Variants in ACP6 observed in about 807,000 individuals in gnomAD.
ACP6 encodes lysophosphatidic acid phosphatase type 6.
ACP6 carries 48 observed loss-of-function variants against 48.1 expected under a neutral mutation model. That is an observed-to-expected ratio of 1.00 (90% confidence interval 0.79 to 1.27). The LOEUF is 1.27. Among genes scored for constraint, ACP6 ranks in the 50% most tolerant of loss-of-function variants. ACP6 has a pLI of 0.00. For missense variants in ACP6, 485 were observed against 529.1 expected (o/e 0.92, Z 0.82); for synonymous variants, 172 against 204.2 (o/e 0.84, Z 1.34).
At chr1:147,665,214 AC>A (rs1203032724) in intron 1 of ACP6, among the ~76,000 whole-genome samples, 1 of 152,248 alleles carries the variant, frequency 6.6e-6, no homozygotes, top group African/African-American at 2.4e-5. Context: ...TAAATCTGAA[AC>A]CTGGCAGCAT....
At chr1:147,655,937 G>GCC (rs1553211545) in intron 4 of ACP6, among the ~76,000 whole-genome samples, 2 of 152,092 alleles carry the variant, frequency 1.3e-5, no homozygotes, top group East Asian at 3.9e-4. Flanking sequence ...CTGTGTCAGA[G>GCC]ATGGCAAGTG....
intron 5 of ACP6, among the ~76,000 whole-genome samples, chr1:147,635,456 G>A (rs1163223411): frequency 6.6e-6 from 1 of 152,188 alleles, no homozygotes; most frequent in Non-Finnish European, 1.5e-5. Context: ...CAGACGCTGA[G>A]CCTATCTTTT....
At position 147,646,195 on chromosome 1, in the gene ACP6, G is replaced by A. The variant is rs1187470235; in HGVS notation, c.*1228C>T. 1.3e-5 allele frequency: 2 copies of A among 152,230 alleles called. No individual in the cohort carries two copies. The highest frequency in any genetic ancestry group is 6.5e-5 in the Admixed American group (1 of 15,274). The allele number at this position is 152,230 out of a possible 1,614,324, so 9.4% of individuals were successfully genotyped here. On this transcript the variant is annotated 3_prime_UTR_variant, in exon 10 of 10. Coordinates refer to ENST00000583509, the MANE Select transcript of ACP6 (RefSeq NM_016361.5). ...CAGGTAGTATTGATAAAACTTAACT[G>A]ATTAGACATAGGAAAATGTGAGACA...
intron 1 of ACP6, among the ~76,000 whole-genome samples, chr1:147,660,947 T>C (rs1660517625): frequency 6.6e-6 from 1 of 152,218 alleles, no homozygotes; most frequent in South Asian, 2.1e-4. Flanking sequence ...CATCATTTTA[T>C]TGCTCTTTAC....
In ACP6 at chr1:147,648,404, A is replaced by G. The variant is rs1553209943; in HGVS notation, c.985T>C (p.Tyr329His). Reference sequence around the variant, plus strand: ...GTCACATCATGAGCCGCATAGAGATACAGCTTTCTGCAAGAGGAAACAGCT... The same window carrying G: ...GTCACATCATGAGCCGCATAGAGATGCAGCTTTCTGCAAGAGGAAACAGCT... ...ATAPDKIRKLYLYAAHDVTFI... is the reference protein window; with the variant it reads ...ATAPDKIRKLHLYAAHDVTFI... The change falls in exon 9 of 10, where the codon TAT becomes CAT. Residue 329 changes from tyrosine (Y) to histidine (H), a missense_variant. Coordinates refer to ENST00000583509, the MANE Select transcript of ACP6 (RefSeq NM_016361.5). 1 of 1,614,028 alleles carries G rather than the reference A, an allele frequency of 6.2e-7. No individual in the cohort carries two copies. The highest frequency in any genetic ancestry group is 1.3e-5 in the African/African-American group (1 of 74,916).
At chr1:147,663,717 TC>T (rs1570979671) in intron 1 of ACP6, among the ~76,000 whole-genome samples, 1 of 152,084 alleles carries the variant, frequency 6.6e-6, no homozygotes, top group Non-Finnish European at 1.5e-5. Flanking sequence ...GCCTCTTTCC[TC>T]CCCTCCAACC....
At position 147,669,995 on chromosome 1, in the gene ACP6, G is replaced by A; in HGVS notation, c.54C>T (p.Thr18=). Residue 18 remains threonine (T), a synonymous_variant, in exon 1 of 10, where the codon ACC becomes ACT. Coordinates refer to ENST00000583509, the MANE Select transcript of ACP6 (RefSeq NM_016361.5). The stretch of plus-strand genomic sequence containing the variant: ...GCTGGTGCAGGCAGTACGCCAGCGA[G>A]GTCAGGACGCCCACTGGGGTCCACA... ...MRLWTPVGVL[T]SLAYCLHQRR... is the part of the protein sequence containing the mutation. The A allele has an allele frequency of 1.9e-6, 3 of 1,547,730 alleles. No individual in the cohort carries two copies. The highest frequency in any genetic ancestry group is 1.8e-4 in the Middle Eastern group (1 of 5,458).
intron 5 of ACP6, among the ~76,000 whole-genome samples, chr1:147,634,591 T>C (rs1418659911): frequency 6.6e-6 from 1 of 152,228 alleles, no homozygotes; most frequent in African/African-American, 2.4e-5. Context: ...GAGCTAATCT[T>C]TAGAGTGACA....
At chr1:147,658,395 C>T (rs1660362341) in intron 4 of ACP6, among the ~76,000 whole-genome samples, 1 of 152,088 alleles carries the variant, frequency 6.6e-6, no homozygotes, top group South Asian at 2.1e-4. Context: ...ATGTGATGGC[C>T]AAAGGCTCTC....
intron 7 of ACP6, 155 bp downstream of exon 7, chr1:147,652,294 T>G (rs922745246): frequency 1.4e-6 from 1 of 692,350 alleles, no homozygotes; most frequent in African/African-American, 1.8e-5. Context: ...TGCGAGGACC[T>G]AGGGCCTACT....
chr1:147,631,626 C>A lies in ACP6; in HGVS notation c.461-561G>T, dbSNP rs148515312. On this transcript the variant is annotated intron_variant, in intron 5 of 5. Transcript: ENST00000609196. ...GTCAAGAGATCGAGACCATCCTGGC[C>A]AACATGGTGAAACCCCGTCTCTACT... Among the ~76,000 whole-genome samples, 978 of 152,108 alleles carry A rather than the reference C, an allele frequency of 6.4e-3. 11 individuals carry two copies. Among genetic ancestry groups the A allele is most frequent in the African/African-American group, 0.022 (918 of 41,474 alleles).
intron 5 of ACP6, among the ~76,000 whole-genome samples, chr1:147,632,848 G>A (rs1553207546): frequency 2.0e-5 from 3 of 152,106 alleles, no homozygotes; most frequent in African/African-American, 7.2e-5. Context: ...TGAGGCTCCT[G>A]GCGATTCAGT....
intron 6 of ACP6, chr1:147,652,772 G>T (rs1328594380): frequency 2.8e-6 from 2 of 710,444 alleles, no homozygotes; most frequent in Non-Finnish European, 2.2e-6. Context: ...AAAAGAAAGG[G>T]TTTCTTCCCT....
At chr1:147,654,580 T>C (rs1301514169) in intron 5 of ACP6, among the ~76,000 whole-genome samples, 2 of 152,210 alleles carry the variant, frequency 1.3e-5, no homozygotes, top group African/African-American at 4.8e-5. Context: ...AGCATTTGCA[T>C]TGCATCAAAA....
At chr1:147,630,774 C>G (rs146122449) in exon 6 of ACP6, 1 of 152,300 alleles carries the variant, frequency 6.6e-6, no homozygotes, top group East Asian at 1.9e-4. Flanking sequence ...TGGTGGATTA[C>G]TGTGATTTAT....
At chr1:147,647,762 G>A in intron 9 of ACP6, 196 bp from the exon 10 acceptor site, 1 of 713,498 alleles carries the variant, frequency 1.4e-6, no homozygotes, top group Non-Finnish European at 2.2e-6. Flanking sequence ...CACTCAAAAA[G>A]TGTTGAATTG....
At position 147,658,942 on chromosome 1, in the gene ACP6, G is replaced by A. The variant is rs782410212; in HGVS notation, c.559+18C>T. 1.9e-6 allele frequency: 3 copies of A among 1,606,196 alleles called. No homozygotes were observed. Among genetic ancestry groups the A allele is most frequent in the South Asian group, 1.1e-5 (1 of 90,278 alleles). On this transcript the variant is annotated intron_variant, in intron 4 of 9. Transcript: ENST00000583509. Reference sequence around the variant, plus strand: ...GACCCCTCAGGGACAGGGACTGACTGGGACCCCAAATACGAACCTTCTTTC... The same window carrying A: ...GACCCCTCAGGGACAGGGACTGACTAGGACCCCAAATACGAACCTTCTTTC...
intron 4 of ACP6, among the ~76,000 whole-genome samples, chr1:147,655,912 T>C (rs1171055976): frequency 6.6e-6 from 1 of 152,152 alleles, no homozygotes; most frequent in African/African-American, 2.4e-5. Flanking sequence ...TCCTAACGCC[T>C]TCCCATGCTT....
At chr1:147,648,861 G>T (rs1489550498) in intron 8 of ACP6, among the ~76,000 whole-genome samples, 2 of 152,100 alleles carry the variant, frequency 1.3e-5, no homozygotes, top group Non-Finnish European at 2.9e-5. Flanking sequence ...AGCCCATTTG[G>T]CCCTCAGCAC....
Sources: gnomAD v4.1 joint callset for allele counts (sites outside exome capture counted in the v4.1 genomes callset) on GRCh38, gnomAD v4.1.1 for gene constraint, MANE v1.5 for transcripts, NCBI Gene and HGNC (gene_info 2026-07-23, HGNC 2026-07-21) for gene names.